Variants in RAB27A observed in about 807,000 individuals in gnomAD.
The protein encoded by RAB27A is RAB27A, member RAS oncogene family, also known as ras-related protein Rab-27A.
A neutral mutation model predicts 20.8 loss-of-function variants in RAB27A; 17 were observed. The ratio of observed to expected loss-of-function variants is 0.82; its 90% CI spans 0.56 to 1.23. The LOEUF (loss-of-function observed/expected upper bound fraction) is 1.23. Ranked by LOEUF, RAB27A falls within the 50% of genes most tolerant of loss-of-function variation. The probability of loss-of-function intolerance (pLI) is 0.00; values close to 1 mark genes in which losing one functional copy is unlikely to be tolerated. For missense variants in RAB27A, 277 were observed against 266.7 expected (o/e 1.04, Z -0.27); for synonymous variants, 85 against 92.8 (o/e 0.92, Z 0.48).
At chr15:55,309,946 G>T (rs779126002) in intron 2 of RAB27A, among the ~76,000 whole-genome samples, 7 of 151,972 alleles carry the variant, frequency 4.6e-5, no homozygotes, top group Non-Finnish European at 1.0e-4. Flanking sequence ...AGGGAAAGGA[G>T]GCAGAATCCT....
chr15:55,223,548 C>T (rs1395295851), intron 6 of RAB27A, among the ~76,000 whole-genome samples: 3 of 151,848 alleles, frequency 2.0e-5, no homozygotes, highest in Admixed American at 6.6e-5. Flanking sequence ...GAAATTTCCT[C>T]GCTCAACATG....
intron 1 of RAB27A, among the ~76,000 whole-genome samples, chr15:55,271,390 A>G (rs978406472): frequency 6.6e-6 from 1 of 152,258 alleles, no homozygotes; most frequent in African/African-American, 2.4e-5. Context: ...GGGCCCACCC[A>G]GCTGAATCAG....
chr15:55,298,168 G>A (rs1433089357), intron 2 of RAB27A, among the ~76,000 whole-genome samples: 3 of 146,480 alleles, frequency 2.0e-5, no homozygotes, highest in African/African-American at 7.7e-5. Context: ...TTGCACCACT[G>A]CACTCCAGCC....
At chr15:55,279,208 T>C (rs1376796162) in intron 1 of RAB27A, among the ~76,000 whole-genome samples, 1 of 152,146 alleles carries the variant, frequency 6.6e-6, no homozygotes, top group Admixed American at 6.5e-5. Flanking sequence ...CCCATACTCT[T>C]CTATTTCTTC....
chr15:55,243,110 G>A (rs1185690811), intron 2 of RAB27A, among the ~76,000 whole-genome samples: 1 of 152,146 alleles, frequency 6.6e-6, no homozygotes, highest in African/African-American at 2.4e-5. Context: ...CCTCTATCAA[G>A]AAGCCCTTCA....
At chr15:55,314,151 G>GA (rs2055033265) in exon 2 of RAB27A, 1 of 133,584 alleles carries the variant, frequency 7.5e-6, no homozygotes, top group South Asian at 2.4e-4. Context: ...GCATCACAGC[G>GA]AGACTGTATC....
chr15:55,209,094 C>A (rs767109988), intron 6 of RAB27A, among the ~76,000 whole-genome samples: 1 of 152,132 alleles, frequency 6.6e-6, no homozygotes, highest in Non-Finnish European at 1.5e-5. Context: ...GATAAGTATA[C>A]TTGGGATTGC....
intron 2 of RAB27A, among the ~76,000 whole-genome samples, chr15:55,245,759 C>T (rs1292536707): frequency 6.6e-6 from 1 of 152,200 alleles, no homozygotes; most frequent in Non-Finnish European, 1.5e-5. Context: ...TGATATTCCA[C>T]TATAGCAAGT....
At chr15:55,225,369 A>G (rs1895756229) in intron 5 of RAB27A, among the ~76,000 whole-genome samples, 1 of 152,202 alleles carries the variant, frequency 6.6e-6, no homozygotes, top group African/African-American at 2.4e-5. Context: ...GGTGATAATG[A>G]TACTACTTAC....
chr15:55,278,064 A>G (rs1897921008), intron 1 of RAB27A, among the ~76,000 whole-genome samples: 1 of 152,230 alleles, frequency 6.6e-6, no homozygotes, highest in South Asian at 2.1e-4. Flanking sequence ...TGTTATTATC[A>G]ACCCTAGTAT....
intron 6 of RAB27A, among the ~76,000 whole-genome samples, chr15:55,210,380 C>T (rs979237122): frequency 2.7e-5 from 4 of 150,052 alleles, no homozygotes; most frequent in African/African-American, 7.4e-5. Context: ...TGCATCCTCA[C>T]CAGCATCCAC....
At chr15:55,241,141 G>A (rs949942247) in intron 2 of RAB27A, among the ~76,000 whole-genome samples, 1 of 152,092 alleles carries the variant, frequency 6.6e-6, no homozygotes, top group Non-Finnish European at 1.5e-5. Context: ...GTATAAGAAA[G>A]TACATTGAGC....
At chr15:55,304,374 C>T (rs2141143855) in intron 2 of RAB27A, among the ~76,000 whole-genome samples, 1 of 151,500 alleles carries the variant, frequency 6.6e-6, no homozygotes, top group African/African-American at 2.4e-5. Context: ...CCTTTGTTCA[C>T]TTGTTTATCT....
At position 55,263,413 on chromosome 15, in the gene RAB27A, A is replaced by T. The variant is rs144245716; in HGVS notation, c.-23+6752T>A. On this transcript the variant is annotated intron_variant, in intron 2 of 6. Transcript: ENST00000336787. ...AAGTTACTTGAGATGCAGTCACTAG[A>T]GGAAGAATTATAGTAGAATGCTTTA... Among the ~76,000 whole-genome samples, 423 of 152,278 alleles carry T rather than the reference A, an allele frequency of 2.8e-3. 1 individual carries two copies. Among genetic ancestry groups the T allele is most frequent in the Non-Finnish European group, 4.4e-3 (296 of 68,008 alleles).
At chr15:55,213,201 A>G (rs1409896337) in intron 6 of RAB27A, among the ~76,000 whole-genome samples, 1 of 152,188 alleles carries the variant, frequency 6.6e-6, no homozygotes, top group Non-Finnish European at 1.5e-5. Context: ...TCAGTAAAGT[A>G]TTTCTTAAAT....
At chr15:55,209,205 A>G (rs1894799832) in intron 6 of RAB27A, among the ~76,000 whole-genome samples, 1 of 152,070 alleles carries the variant, frequency 6.6e-6, no homozygotes, top group Non-Finnish European at 1.5e-5. Flanking sequence ...AACTATAGTC[A>G]CCCTACTGAT....
At chr15:55,291,494 G>T (rs889445913), upstream of RAB27A, among the ~76,000 whole-genome samples, 2 of 126,660 alleles carry the variant, frequency 1.6e-5, no homozygotes, top group African/African-American at 5.9e-5. Flanking sequence ...CTGGGCGACC[G>T]AGCGAGACTC....
intron 2 of RAB27A, among the ~76,000 whole-genome samples, chr15:55,305,960 T>G (rs929723143): frequency 1.6e-4 from 24 of 152,194 alleles, no homozygotes; most frequent in African/African-American, 5.3e-4. Context: ...GGGTTAGGTA[T>G]GACATGATTG....
chr15:55,317,966 AAT>A (rs1287101809), intron 1 of RAB27A: 5 of 333,838 alleles, frequency 1.5e-5, no homozygotes, highest in South Asian at 3.2e-4. Context: ...ATATTTTTAT[AAT>A]ATGTTACTAA....
Sources: gnomAD v4.1 joint callset for allele counts (sites outside exome capture counted in the v4.1 genomes callset) on GRCh38, gnomAD v4.1.1 for gene constraint, MANE v1.5 for transcripts, NCBI Gene and HGNC (gene_info 2026-07-23, HGNC 2026-07-21) for gene names.